The following EBPL variants were observed in gnomAD, a reference collection of about 807,000 sequenced individuals.
EBPL encodes EBP like.
Under a neutral mutation model 19.0 loss-of-function variants are expected in EBPL, and 20 were observed. The ratio of observed to expected loss-of-function variants is 1.05; its 90% CI spans 0.74 to 1.53. The LOEUF (loss-of-function observed/expected upper bound fraction) is 1.53. EBPL is among the 40% of genes most tolerant of loss of function. EBPL has a pLI of 0.00. For synonymous variants in EBPL, 107 were observed against 117.0 expected, an observed-to-expected ratio of 0.91 and a Z score of 0.55; for missense variants, 219 against 261.1, an observed-to-expected ratio of 0.84 and a Z score of 1.11.
chr13:49,689,434 C>T (rs1040942948), intron 1 of EBPL, among the ~76,000 whole-genome samples: 2 of 152,174 alleles, frequency 1.3e-5, no homozygotes, highest in Non-Finnish European at 2.9e-5. Context: ...ACTACAACCT[C>T]CACCTTCCAG....
chr13:49,662,495 A>T (rs1031092888), intron 3 of EBPL, among the ~76,000 whole-genome samples: 14 of 152,214 alleles, frequency 9.2e-5, no homozygotes, highest in African/African-American at 3.4e-4. Context: ...CAAATCATCC[A>T]AGAGCGTTAG....
chr13:49,665,955 G>C (rs768432507), intron 2 of EBPL, among the ~76,000 whole-genome samples: 3 of 152,158 alleles, frequency 2.0e-5, no homozygotes, highest in African/African-American at 7.2e-5. Context: ...TGTTGGTGAG[G>C]GATGGACTTC....
At chr13:49,661,630 C>T (rs759432516) in intron 3 of EBPL, 33 of 625,832 alleles carry the variant, frequency 5.3e-5, no homozygotes, top group Admixed American at 6.3e-5. Flanking sequence ...AAGGGCCAAG[C>T]GATGGGCAAG....
At chr13:49,688,486 G>A (rs9568306) in intron 1 of EBPL, among the ~76,000 whole-genome samples, 54,257 of 151,946 alleles carry the variant, frequency 0.36, 10,137 homozygotes, top group Non-Finnish European at 0.42. Flanking sequence ...TTGGAAGGCC[G>A]AGGCAGGTAG....
At chr13:49,687,885 T>C (rs1205055906) in intron 1 of EBPL, among the ~76,000 whole-genome samples, 1 of 152,216 alleles carries the variant, frequency 6.6e-6, no homozygotes, top group African/African-American at 2.4e-5. Context: ...AAATTATCTT[T>C]ATGAAGATCT....
At chr13:49,685,581 A>C (rs143769730) in intron 1 of EBPL, among the ~76,000 whole-genome samples, 8 of 152,308 alleles carry the variant, frequency 5.3e-5, no homozygotes, top group Admixed American at 4.6e-4. Context: ...CTCCTTCAAG[A>C]AAACTGAAGG....
intron 3 of EBPL, chr13:49,661,912 C>A (rs1594402042): frequency 1.3e-6 from 2 of 1,550,560 alleles, no homozygotes; most frequent in Non-Finnish European, 1.7e-6. Flanking sequence ...TCTATTCACC[C>A]CAGGCCACTC....
chr13:49,682,413 T>C (rs559695854), intron 1 of EBPL, among the ~76,000 whole-genome samples: 5 of 152,356 alleles, frequency 3.3e-5, no homozygotes, highest in South Asian at 2.1e-4. Flanking sequence ...CACTTTAGTA[T>C]ACAGGGATGG....
intron 1 of EBPL, chr13:49,686,640 T>C (rs1044011154): frequency 1.6e-6 from 2 of 1,285,546 alleles, no homozygotes; most frequent in African/African-American, 3.1e-5. Flanking sequence ...TCCTCAGCTC[T>C]TTCACCCTTC....
At chr13:49,676,007 T>C (rs1328496735) in intron 1 of EBPL, among the ~76,000 whole-genome samples, 7 of 152,204 alleles carry the variant, frequency 4.6e-5, no homozygotes, top group Admixed American at 4.6e-4. Flanking sequence ...TTGAGCTCTT[T>C]GGAGGAATTT....
At chr13:49,678,648 C>T (rs866582143) in intron 1 of EBPL, among the ~76,000 whole-genome samples, 6 of 152,024 alleles carry the variant, frequency 3.9e-5, no homozygotes, top group Middle Eastern at 3.4e-3. Context: ...CCCGGGTTCT[C>T]GCCGGCGCCT....
At chr13:49,687,019 C>G (rs1157924085) in intron 1 of EBPL, among the ~76,000 whole-genome samples, 1 of 152,148 alleles carries the variant, frequency 6.6e-6, no homozygotes. Flanking sequence ...GTTAGCAAGG[C>G]TGGTCTCGCA....
chr13:49,679,702 G>GTGGTTGAGGTTGGTCTAGAACTCCCA (rs1953921503), intron 1 of EBPL, among the ~76,000 whole-genome samples: 2 of 151,694 alleles, frequency 1.3e-5, no homozygotes, highest in South Asian at 4.2e-4. Context: ...ACGGGGTCTC[G>GTGGTTGAGGTTGGTCTAGAACTCCCA]TTATGTGGTT....
At chr13:49,675,531 C>A (rs1267555162) in intron 1 of EBPL, among the ~76,000 whole-genome samples, 1 of 152,202 alleles carries the variant, frequency 6.6e-6, no homozygotes, top group Non-Finnish European at 1.5e-5. Flanking sequence ...AATTTCGTTT[C>A]TTTTTAAGGC....
At chr13:49,687,366 A>G (rs1954009950) in intron 1 of EBPL, among the ~76,000 whole-genome samples, 1 of 152,006 alleles carries the variant, frequency 6.6e-6, no homozygotes, top group Non-Finnish European at 1.5e-5. Flanking sequence ...CCCACACTAC[A>G]GCAGTTGCTT....
At chr13:49,677,785 T>C (rs1345486852) in intron 1 of EBPL, among the ~76,000 whole-genome samples, 4 of 152,122 alleles carry the variant, frequency 2.6e-5, no homozygotes, top group African/African-American at 9.7e-5. Context: ...AATTGGTGGG[T>C]TCTTGGTCTC....
At chr13:49,665,850 AAT>A (rs1238246776) in intron 2 of EBPL, among the ~76,000 whole-genome samples, 1 of 152,086 alleles carries the variant, frequency 6.6e-6, no homozygotes, top group Non-Finnish European at 1.5e-5. Flanking sequence ...GCGGTTAGCG[AAT>A]ATGAGGGCAG....
chr13:49,680,130 G>A (rs2137504348), intron 1 of EBPL, among the ~76,000 whole-genome samples: 1 of 151,680 alleles, frequency 6.6e-6, no homozygotes, highest in South Asian at 2.1e-4. Context: ...ACTTCCAGTG[G>A]GCATGAGCCA....
intron 1 of EBPL, among the ~76,000 whole-genome samples, chr13:49,684,215 C>T (rs1953973270): frequency 6.6e-6 from 1 of 152,046 alleles, no homozygotes. Context: ...TACACAATCA[C>T]CCAAATTCAC....
Sources: gnomAD v4.1 joint callset for allele counts (sites outside exome capture counted in the v4.1 genomes callset) on GRCh38, gnomAD v4.1.1 for gene constraint, MANE v1.5 for transcripts, NCBI Gene and HGNC (gene_info 2026-07-23, HGNC 2026-07-21) for gene names.